The following FBXO42 variants were observed in gnomAD, a reference collection of about 807,000 sequenced individuals.
FBXO42 encodes the protein F-box only protein 42.
FBXO42 carries 12 observed loss-of-function variants against 71.7 expected under a neutral mutation model. The observed-to-expected ratio is 0.17, with a 90% CI of 0.11 to 0.27. The LOEUF is 0.27. Ranked by LOEUF, FBXO42 falls within the 10% of genes least tolerant of loss-of-function variation. The pLI is 1.00. For missense variants in FBXO42, 707 were observed against 911.9 expected, an observed-to-expected ratio of 0.78 and a Z score of 2.89; for synonymous variants, 325 against 327.5, an observed-to-expected ratio of 0.99 and a Z score of 0.08.
intron 4 of FBXO42, chr1:16,292,930 G>C (rs1434443407): frequency 1.3e-5 from 2 of 152,186 alleles, no homozygotes; most frequent in African/African-American, 4.8e-5. Flanking sequence ...AGTAAGCTGT[G>C]ACTGTGCTAC....
intron 4 of FBXO42, among the ~76,000 whole-genome samples, chr1:16,263,888 G>C (rs2081743992): frequency 7.0e-6 from 1 of 143,010 alleles, no homozygotes; most frequent in African/African-American, 2.6e-5. Context: ...TTGGCTCGCT[G>C]CAACTTCCAC....
At position 16,251,091 on chromosome 1, in the gene FBXO42, C is replaced by T. The variant is rs2081586387; in HGVS notation, c.1733G>A (p.Ser578Asn). 7 of 1,614,182 alleles carry T rather than the reference C, an allele frequency of 4.3e-6. No homozygotes were observed. In the East Asian group the frequency reaches 1.6e-4, roughly 36 times the overall value. ...SKGPSASAAL[S>N]PPLGSSPGSP... ...GCCTGGAGAAGACCCAAGAGGAGGA[C>T]TTAGTGCTGCAGAGGCCGAGGGGCC... Residue 578 changes from serine (S) to asparagine (N), a missense_variant, in exon 10 of 10, where the codon AGT (serine) becomes AAT (asparagine). By Grantham distance (46) the Ser-to-Asn change is conservative. Coordinates refer to ENST00000375592, the MANE Select transcript of FBXO42 (RefSeq NM_018994.3). This position sits in a 1 kb window ranked among gnomAD's most constrained non-coding sequence, Gnocchi z 4.5.
At position 16,250,722 on chromosome 1, in the gene FBXO42, A is replaced by G. The variant is rs2081582364; in HGVS notation, c.2102T>C (p.Val701Ala). The change falls in exon 10 of 10, where the codon GTG (valine) becomes GCG (alanine). Residue 701 changes from valine to alanine, a missense_variant. Physicochemically the swap from Val to Ala is moderately conservative, Grantham distance 64. Coordinates refer to ENST00000375592, the MANE Select transcript of FBXO42 (RefSeq NM_018994.3). The surrounding 1 kb of genome is among the most constrained non-coding windows in gnomAD (Gnocchi z 4.7). ...GGCGTTTGTTTTTGGATAGTACTTC[A>G]CATTCTGTTTCTTGTCCATGAGTCC... is the stretch of plus-strand genomic sequence containing the variant. ...FGGLMDKKQN[V>A]KYYPKTNALY... The G allele has an allele frequency of 5.0e-6, 8 of 1,614,048 alleles. No homozygotes were observed. In the East Asian group the frequency reaches 1.6e-4, roughly 31 times the overall value.
At chr1:16,289,570 G>T (rs1026062755) in intron 4 of FBXO42, among the ~76,000 whole-genome samples, 1 of 152,014 alleles carries the variant, frequency 6.6e-6, no homozygotes, top group Admixed American at 6.6e-5. Context: ...ATCCACAAAG[G>T]TCTGCTTTAA....
chr1:16,272,385 G>A (rs1449030867), intron 4 of FBXO42, among the ~76,000 whole-genome samples: 8 of 151,596 alleles, frequency 5.3e-5, no homozygotes, highest in Admixed American at 1.3e-4. Context: ...TCAGCCTCCC[G>A]AGTAGCTGGG....
intron 1 of FBXO42, among the ~76,000 whole-genome samples, chr1:16,340,035 G>A (rs535734889): frequency 5.6e-4 from 86 of 152,224 alleles, no homozygotes; most frequent in Middle Eastern, 6.8e-3. Context: ...AAATTAGCCA[G>A]GCGTGGTGGC....
chr1:16,271,975 C>T (rs1339271617), intron 4 of FBXO42, among the ~76,000 whole-genome samples: 1 of 144,158 alleles, frequency 6.9e-6, no homozygotes, highest in African/African-American at 2.6e-5. Flanking sequence ...CCCGTTTCTA[C>T]CAAAAAAAAA....
intron 1 of FBXO42, among the ~76,000 whole-genome samples, chr1:16,320,406 A>G (rs550571168): frequency 2.3e-4 from 35 of 152,098 alleles, no homozygotes; most frequent in African/African-American, 7.7e-4. Flanking sequence ...ATTACTGGAA[A>G]AAATATCACT....
chr1:16,302,790 G>T (rs886808900), intron 3 of FBXO42, among the ~76,000 whole-genome samples: 1 of 152,204 alleles, frequency 6.6e-6, no homozygotes, highest in African/African-American at 2.4e-5. Flanking sequence ...GATTACAGGC[G>T]TAAGCCACTG....
At chr1:16,329,162 C>CAAAAAAAAA (rs1221377687) in intron 1 of FBXO42, among the ~76,000 whole-genome samples, 1 of 60,444 alleles carries the variant, frequency 1.7e-5, no homozygotes. Context: ...GACTCTGTCT[C>CAAAAAAAAA]AAAAAAAAAA....
intron 4 of FBXO42, chr1:16,294,386 GCAA>G (rs1345831763): frequency 2.8e-5 from 5 of 180,152 alleles, no homozygotes; most frequent in Admixed American, 5.5e-5. Context: ...ATCTGAGCTG[GCAA>G]CAACAACAGA....
Position 16,352,361 on chromosome 1 carries a change from C to A in FBXO42, c.-124G>T. On this transcript the variant is annotated 5_prime_UTR_variant, in exon 1 of 10. Coordinates refer to ENST00000375592, the MANE Select transcript of FBXO42 (RefSeq NM_018994.3). The stretch of plus-strand genomic sequence containing the variant: ...GCGCTCTGCCTCAGGCCGCGACAGC[C>A]GTGCTCGGGGCTCCTCACAGCTGGC... 5.0e-6 allele frequency: 2 copies of A among 398,062 alleles called. No individual in the cohort carries two copies. Among genetic ancestry groups the A allele is most frequent in the South Asian group, 1.3e-4 (1 of 7,850 alleles). The allele number at this position is 398,062 out of a possible 1,614,324, so 24.7% of individuals were successfully genotyped here. A position where few individuals can be genotyped will look rare whatever the true frequency, so the allele number is the denominator to read the frequency against.
At chr1:16,350,073 T>G (rs1349122101) in intron 1 of FBXO42, among the ~76,000 whole-genome samples, 2 of 152,268 alleles carry the variant, frequency 1.3e-5, no homozygotes, top group East Asian at 3.9e-4. Context: ...CACATAAAGC[T>G]GTTATTAAAG....
At chr1:16,268,869 C>T (rs1307753027) in intron 4 of FBXO42, among the ~76,000 whole-genome samples, 1 of 151,070 alleles carries the variant, frequency 6.6e-6, no homozygotes, top group Non-Finnish European at 1.5e-5. Flanking sequence ...CCTGTAATCC[C>T]AGCTACTCGG....
At chr1:16,350,098 C>T (rs975148611) in intron 1 of FBXO42, among the ~76,000 whole-genome samples, 3 of 152,084 alleles carry the variant, frequency 2.0e-5, no homozygotes, top group African/African-American at 7.2e-5. Context: ...CTCTAGAAAT[C>T]AGACAAGAAG....
At chr1:16,283,456 C>A (rs892192255) in intron 4 of FBXO42, among the ~76,000 whole-genome samples, 4 of 139,154 alleles carry the variant, frequency 2.9e-5, no homozygotes, top group Non-Finnish European at 6.2e-5. Context: ...AGCTTTAAAT[C>A]TTTACCTGGC....
chr1:16,270,421 T>C (rs368352281), intron 4 of FBXO42, among the ~76,000 whole-genome samples: 1 of 152,260 alleles, frequency 6.6e-6, no homozygotes, highest in African/African-American at 2.4e-5. Context: ...GCCTAACAAC[T>C]GGACGCTGAA....
chr1:16,340,961 A>G (rs2082598471), intron 1 of FBXO42, among the ~76,000 whole-genome samples: 1 of 149,010 alleles, frequency 6.7e-6, no homozygotes, highest in South Asian at 2.1e-4. Flanking sequence ...ATTTATTTAT[A>G]AAAAATCAGC....
At chr1:16,344,486 CTTTTTTTT>C (rs59077549) in intron 1 of FBXO42, among the ~76,000 whole-genome samples, 3 of 87,160 alleles carry the variant, frequency 3.4e-5, no homozygotes, top group African/African-American at 4.4e-5. Flanking sequence ...ACCCAGCTAA[CTTTTTTTT>C]TTTTTTTTTT....
Sources: allele counts gnomAD v4.1 joint callset (sites outside exome capture counted in the v4.1 genomes callset), GRCh38; gene constraint gnomAD v4.1.1; non-coding constraint Gnocchi (gnomAD v3.1); transcripts MANE v1.5; gene names NCBI Gene and HGNC (gene_info 2026-07-23, HGNC 2026-07-21).